Variants in WDR35 observed in about 807,000 individuals in gnomAD.
WDR35 encodes the protein WD repeat domain 35.
Under a neutral mutation model 158.3 loss-of-function variants are expected in WDR35, and 118 were observed. The ratio of observed to expected loss-of-function variants is 0.75; its 90% CI spans 0.64 to 0.87. The LOEUF (loss-of-function observed/expected upper bound fraction) is 0.87. Among genes scored for constraint, WDR35 ranks in the 40% least tolerant of loss-of-function variants. WDR35 has a pLI of 0.00. For synonymous variants in WDR35, 448 were observed against 476.1 expected (o/e 0.94, Z 0.77); for missense variants, 1,263 against 1,405.8 (o/e 0.90, Z 1.62).
At chr2:19,928,463 C>G (rs1670424674) in intron 25 of WDR35, among the ~76,000 whole-genome samples, 1 of 152,162 alleles carries the variant, frequency 6.6e-6, no homozygotes, top group East Asian at 1.9e-4. Context: ...GTCTTTAATT[C>G]CTCTAGCGCC....
chr2:19,982,455 T>C lies in WDR35; in HGVS notation c.214+8A>G, dbSNP rs1253113199. On this transcript the variant is annotated splice_region_variant and intron_variant, in intron 3 of 26. Transcript: ENST00000281405. ...CAAACATGACTTAAAAGAAATTGAA[T>C]GACTCACCACTATGACCTTCAAGAG... 3 of 1,613,138 alleles carry C rather than the reference T, an allele frequency of 1.9e-6. No homozygotes were observed. Among genetic ancestry groups the C allele is most frequent in the Admixed American group, 3.3e-5 (2 of 59,918 alleles).
At chr2:19,955,502 G>A (rs1671397816) in intron 11 of WDR35, among the ~76,000 whole-genome samples, 2 of 151,628 alleles carry the variant, frequency 1.3e-5, no homozygotes, top group Admixed American at 1.3e-4. Context: ...GTTTAAAGAA[G>A]TAGAACAATT....
chr2:19,933,260 C>T, intron 22 of WDR35, 141 bp downstream of exon 22: 1 of 731,578 alleles, frequency 1.4e-6, no homozygotes, highest in Non-Finnish European at 2.4e-6. Flanking sequence ...CGCCTGGCTC[C>T]TTTCATAAAA....
chr2:19,982,348 T>A, intron 3 of WDR35, 115 bp downstream of exon 3: 1 of 1,019,360 alleles, frequency 9.8e-7, no homozygotes, highest in Non-Finnish European at 1.5e-6. Flanking sequence ...TCAAAGAGCA[T>A]CTGTACTGTA....
At position 19,953,885 on chromosome 2, in the gene WDR35, G is replaced by A; in HGVS notation, c.1349C>T (p.Thr450Ile). ...TWQYRVAKKL[T>I]ALEINQITRS... is the part of the protein sequence containing the mutation. ...TGTGATCTGATTAATTTCCAATGCT[G>A]TGAGCTTCTTTGCCACACGATATTG... is the stretch of plus-strand genomic sequence containing the variant. The change falls in exon 12 of 27, where the codon ACA (threonine) becomes ATA (isoleucine). Residue 450 changes from threonine to isoleucine, a missense_variant. Transcript: ENST00000281405. 6.2e-7 allele frequency: 1 copy of A among 1,614,074 alleles called. No homozygotes were observed. The highest frequency in any genetic ancestry group is 8.5e-7 in the Non-Finnish European group (1 of 1,180,008).
intron 16 of WDR35, among the ~76,000 whole-genome samples, chr2:19,944,509 G>A (rs1170063357): frequency 6.6e-6 from 1 of 152,078 alleles, no homozygotes; most frequent in Non-Finnish European, 1.5e-5. Flanking sequence ...CATTCAAAAA[G>A]TATTCTACTC....
chr2:19,923,302 G>A (rs780418006), intron 25 of WDR35, among the ~76,000 whole-genome samples: 52 of 152,098 alleles, frequency 3.4e-4, no homozygotes, highest in Non-Finnish European at 1.6e-4. Context: ...TCAAAGGGTC[G>A]CTGGAGCAAC....
intron 25 of WDR35, among the ~76,000 whole-genome samples, chr2:19,923,666 G>C (rs1477355324): frequency 6.6e-6 from 1 of 152,090 alleles, no homozygotes; most frequent in Non-Finnish European, 1.5e-5. Context: ...GTGACTGTTC[G>C]AACAGCACCT....
At chr2:19,922,828 AG>A (rs1285304394) in intron 25 of WDR35, among the ~76,000 whole-genome samples, 96 of 152,208 alleles carry the variant, frequency 6.3e-4, no homozygotes, top group African/African-American at 2.3e-3. Flanking sequence ...GCACTGTGAC[AG>A]GTTCATGATG....
intron 10 of WDR35, among the ~76,000 whole-genome samples, chr2:19,965,218 C>A (rs905843912): frequency 1.3e-5 from 2 of 152,224 alleles, no homozygotes; most frequent in Non-Finnish European, 2.9e-5. Flanking sequence ...CCATCGCACC[C>A]AGCCCCAAAA....
chr2:19,962,752 G>C lies in WDR35; in HGVS notation c.1195-2138C>G, dbSNP rs189413855. 3.3e-5 allele frequency among the ~76,000 whole-genome samples: 5 copies of C among 151,628 alleles called. No homozygotes were observed. The East Asian group carries it at 9.7e-4, about 29-fold the overall frequency. On this transcript the variant is annotated intron_variant, in intron 10 of 26. Transcript: ENST00000281405. Reference sequence around the variant, plus strand: ...TAAAAAAAAATAAAAAGAACTCATTGAATTAATTTCATAAATATAAACCAA... The same window carrying C: ...TAAAAAAAAATAAAAAGAACTCATTCAATTAATTTCATAAATATAAACCAA...
At chr2:19,920,240 A>T (rs530054754) in intron 25 of WDR35, among the ~76,000 whole-genome samples, 27 of 152,358 alleles carry the variant, frequency 1.8e-4, no homozygotes, top group African/African-American at 6.5e-4. Context: ...TGAAGCCAGC[A>T]TCATCCTGAT....
chr2:19,954,058 C>T (rs888704499), intron 11 of WDR35, 80 bp from the exon 12 acceptor site: 77 of 1,525,874 alleles, frequency 5.0e-5, no homozygotes, highest in East Asian at 1.1e-4. Context: ...TTAGTAATCA[C>T]GGAGTTCAAC....
At chr2:19,948,665 C>T (rs946315846) in intron 13 of WDR35, among the ~76,000 whole-genome samples, 8 of 152,118 alleles carry the variant, frequency 5.3e-5, no homozygotes, top group Non-Finnish European at 7.4e-5. Flanking sequence ...TAGGGCATTA[C>T]GCTTAGTGAA....
At chr2:19,981,791 C>CT (rs1429807437) in intron 3 of WDR35, among the ~76,000 whole-genome samples, 1 of 152,104 alleles carries the variant, frequency 6.6e-6, no homozygotes, top group Non-Finnish European at 1.5e-5. Flanking sequence ...AGTGCTTGAA[C>CT]TATAGGTGTT....
rs866351192 is a variant in WDR35 at position 19,945,871 on chromosome 2, T to C, written c.1760A>G (p.Asp587Gly). ...LLKLERRDVW[D>G]MKWAKDNPDL... is the part of the protein sequence containing the mutation. The stretch of plus-strand genomic sequence containing the variant: ...AGGATTATCTTTGGCCCACTTCATA[T>C]CCCAGACATCTCTTCGTTCCAATTT... The change falls in exon 16 of 27, where the codon GAT (aspartate) becomes GGT (glycine). Residue 587 changes from aspartate (D) to glycine (G), a missense_variant. By Grantham distance (94) the Asp-to-Gly change is moderately conservative. Coordinates refer to ENST00000281405, the MANE Select transcript of WDR35 (RefSeq NM_020779.4). 1 of 1,613,924 alleles carries C rather than the reference T, an allele frequency of 6.2e-7. No homozygotes were observed.
intron 4 of WDR35, 116 bp from the exon 5 acceptor site, chr2:19,978,995 C>A: frequency 7.6e-7 from 1 of 1,309,376 alleles, no homozygotes; most frequent in Non-Finnish European, 1.1e-6. Flanking sequence ...GCAAAGTTTT[C>A]TACAACCTGA....
intron 25 of WDR35, among the ~76,000 whole-genome samples, chr2:19,928,660 CT>C (rs1166614235): frequency 6.6e-6 from 1 of 152,130 alleles, no homozygotes; most frequent in Non-Finnish European, 1.5e-5. Context: ...AAGTAAAAGA[CT>C]GACAGACATG....
At chr2:19,952,875 G>A (rs1265920851) in intron 12 of WDR35, among the ~76,000 whole-genome samples, 3 of 131,772 alleles carry the variant, frequency 2.3e-5, no homozygotes, top group South Asian at 2.6e-4. Context: ...TGCAAGCTCC[G>A]CCTCCCGGGT....
Sources: gnomAD v4.1 joint callset for allele counts (sites outside exome capture counted in the v4.1 genomes callset) on GRCh38, gnomAD v4.1.1 for gene constraint, MANE v1.5 for transcripts, NCBI Gene and HGNC (gene_info 2026-07-23, HGNC 2026-07-21) for gene names.